Variants in PID1 observed in about 807,000 individuals in gnomAD.
PID1 encodes the protein phosphotyrosine interaction domain containing 1.
Under a neutral mutation model 19.1 loss-of-function variants are expected in PID1, and 10 were observed. The ratio of observed to expected loss-of-function variants is 0.52; its 90% CI spans 0.32 to 0.89. The LOEUF is 0.89. Ranked by LOEUF, PID1 falls within the 40% of genes least tolerant of loss-of-function variation. The probability of loss-of-function intolerance (pLI) is 0.03; values close to 1 mark genes in which losing one functional copy is unlikely to be tolerated. For missense variants in PID1, 248 were observed against 285.3 expected (o/e 0.87, Z 0.94); for synonymous variants, 130 against 116.0 (o/e 1.12, Z -0.78).
chr2:229,195,560 G>T (rs894020435), intron 1 of PID1, among the ~76,000 whole-genome samples: 2 of 151,892 alleles, frequency 1.3e-5, no homozygotes, highest in Non-Finnish European at 2.9e-5. Flanking sequence ...TTAGCTCAGT[G>T]ATAGATACTG....
chr2:229,253,591 CAAA>C (rs59530496), intron 1 of PID1, among the ~76,000 whole-genome samples: 92 of 128,416 alleles, frequency 7.2e-4, no homozygotes, highest in Admixed American at 1.9e-3. Flanking sequence ...AAATTCCAAG[CAAA>C]AAAAAAAAAA....
At chr2:229,087,170 G>T (rs1044388391) in intron 2 of PID1, among the ~76,000 whole-genome samples, 14 of 152,068 alleles carry the variant, frequency 9.2e-5, no homozygotes, top group African/African-American at 3.1e-4. Context: ...CCTGTGGGAA[G>T]AGTTAAAAAT....
At chr2:229,110,848 A>G (rs1695283047) in intron 2 of PID1, among the ~76,000 whole-genome samples, 1 of 152,004 alleles carries the variant, frequency 6.6e-6, no homozygotes, top group Non-Finnish European at 1.5e-5. Context: ...CTCCCTGCTC[A>G]CTCACGTAGG....
At chr2:229,035,506 ATGTGTGTGTGTG>A (rs3083806) in intron 2 of PID1, among the ~76,000 whole-genome samples, 44 of 148,246 alleles carry the variant, frequency 3.0e-4, no homozygotes, top group South Asian at 4.4e-4. Context: ...AATCATTTAT[ATGTGTGTGTGTG>A]TGTGTGTGTG....
chr2:229,214,949 A>G (rs1691814696), intron 1 of PID1, among the ~76,000 whole-genome samples: 1 of 152,004 alleles, frequency 6.6e-6, no homozygotes, highest in Admixed American at 6.6e-5. Context: ...TATATCCAAA[A>G]TTTTTCCCTA....
chr2:229,123,524 C>T (rs1213987640), intron 2 of PID1, among the ~76,000 whole-genome samples: 2 of 152,122 alleles, frequency 1.3e-5, no homozygotes, highest in Non-Finnish European at 2.9e-5. Context: ...CTTCATTTGT[C>T]TTGGATATGT....
At chr2:229,230,302 AAAG>A (rs1692176954) in intron 1 of PID1, among the ~76,000 whole-genome samples, 1 of 138,988 alleles carries the variant, frequency 7.2e-6, no homozygotes, top group Non-Finnish European at 1.6e-5. Flanking sequence ...AACGAGAGAG[AAAG>A]AAAGAGAGGG....
At chr2:229,105,324 C>G (rs894576599) in intron 2 of PID1, among the ~76,000 whole-genome samples, 10 of 152,184 alleles carry the variant, frequency 6.6e-5, no homozygotes, top group Non-Finnish European at 1.2e-4. Context: ...AGGGGAGATT[C>G]AATCACCGAC....
At chr2:229,145,317 A>G (rs11889462) in intron 2 of PID1, among the ~76,000 whole-genome samples, 20,790 of 151,350 alleles carry the variant, frequency 0.14, 1,723 homozygotes, top group East Asian at 0.28. Flanking sequence ...TTTCCACTGG[A>G]AACCATAAGG....
At chr2:229,119,319 A>G (rs1266056185) in intron 2 of PID1, among the ~76,000 whole-genome samples, 1 of 152,254 alleles carries the variant, frequency 6.6e-6, no homozygotes, top group East Asian at 1.9e-4. Context: ...TATACTTTGT[A>G]CATATCAAGG....
chr2:229,092,652 G>A lies in PID1; in HGVS notation c.177+63166C>T, dbSNP rs115740536. ...CCTTTCCTTTTTCCAAGTGCTGACC[G>A]AGAGCTTTTGAAGTCACAGGCACCT... On this transcript the variant is annotated intron_variant, in intron 2 of 2. Coordinates refer to ENST00000392055, the MANE Select transcript of PID1 (RefSeq NM_001100818.2). Among the ~76,000 whole-genome samples, 370 of 152,144 alleles carry A rather than the reference G, an allele frequency of 2.4e-3. 3 individuals carry two copies. The highest frequency in any genetic ancestry group is 3.7e-3 in the Non-Finnish European group (251 of 68,008).
intron 2 of PID1, among the ~76,000 whole-genome samples, chr2:229,102,842 C>CGGCT (rs1338833789): frequency 6.6e-6 from 1 of 152,192 alleles, no homozygotes; most frequent in Middle Eastern, 3.2e-3. Context: ...ACCTGCCATG[C>CGGCT]GGCTCATCAC....
chr2:229,268,997 T>C (rs1419518345), intron 1 of PID1, among the ~76,000 whole-genome samples: 1 of 150,732 alleles, frequency 6.6e-6, no homozygotes, highest in African/African-American at 2.4e-5. Context: ...CAAGCAATAC[T>C]CTTTGGGAAG....
At chr2:229,266,358 T>C (rs562080317) in intron 1 of PID1, among the ~76,000 whole-genome samples, 1 of 152,294 alleles carries the variant, frequency 6.6e-6, no homozygotes, top group African/African-American at 2.4e-5. Flanking sequence ...ATAAATGCTA[T>C]GTGCTTCAGC....
chr2:229,063,860 C>A (rs1192452774), intron 2 of PID1, among the ~76,000 whole-genome samples: 2 of 152,024 alleles, frequency 1.3e-5, no homozygotes, highest in Admixed American at 6.6e-5. Context: ...GTGAATTGAT[C>A]CATTTATCAT....
chr2:229,157,131 CAGA>C (rs1254253221), intron 1 of PID1, among the ~76,000 whole-genome samples: 2 of 152,286 alleles, frequency 1.3e-5, no homozygotes. Flanking sequence ...GCCTCACACT[CAGA>C]AGGACTCCAT....
chr2:229,128,176 C>T (rs1695662474), intron 2 of PID1, among the ~76,000 whole-genome samples: 1 of 152,186 alleles, frequency 6.6e-6, no homozygotes, highest in African/African-American at 2.4e-5. Context: ...CAAGTGCTCT[C>T]AACAGCTAAA....
chr2:229,215,119 A>T (rs1306737413), intron 1 of PID1, among the ~76,000 whole-genome samples: 2 of 152,234 alleles, frequency 1.3e-5, no homozygotes, highest in Non-Finnish European at 2.9e-5. Context: ...CTCATCCATC[A>T]GCATAGGCTT....
chr2:229,199,787 C>T (rs1295333000), intron 1 of PID1, among the ~76,000 whole-genome samples: 2 of 148,770 alleles, frequency 1.3e-5, no homozygotes, highest in South Asian at 2.1e-4. Flanking sequence ...TACACACACA[C>T]ATATATATAA....
Sources: allele counts gnomAD v4.1 joint callset (sites outside exome capture counted in the v4.1 genomes callset), GRCh38; gene constraint gnomAD v4.1.1; transcripts MANE v1.5; gene names NCBI Gene and HGNC (gene_info 2026-07-23, HGNC 2026-07-21).